ANKRD11: variants seen among roughly 807,000 people sequenced by gnomAD.
ANKRD11 encodes ankyrin repeat domain-containing protein 11.
In ANKRD11, 17 loss-of-function variants were observed where a neutral mutation model predicts 195.7. The observed-to-expected ratio is 0.09, with a 90% CI of 0.06 to 0.13. ANKRD11 has a LOEUF of 0.13. Ranked by LOEUF, ANKRD11 falls within the 10% of genes least tolerant of loss-of-function variation. The pLI is 1.00. For missense variants in ANKRD11, 3,735 were observed against 3,566.1 expected (o/e 1.05, Z -1.21); for synonymous variants, 1,953 against 1,528.1 (o/e 1.28, Z -6.49).
At chr16:89,322,419 C>G (rs2037382600) in intron 2 of ANKRD11, among the ~76,000 whole-genome samples, 1 of 152,242 alleles carries the variant, frequency 6.6e-6, no homozygotes, top group African/African-American at 2.4e-5. Context: ...TGTGTAATGA[C>G]CATTTAAATA....
intron 1 of ANKRD11, among the ~76,000 whole-genome samples, chr16:89,435,209 A>T (rs2043161676): frequency 1.3e-5 from 2 of 152,224 alleles, no homozygotes; most frequent in African/African-American, 2.4e-5. Context: ...CTCTGTGTCT[A>T]GCTAAAGGTT....
chr16:89,449,746 T>C (rs938338735), intron 1 of ANKRD11, among the ~76,000 whole-genome samples: 1 of 152,000 alleles, frequency 6.6e-6, no homozygotes, highest in Non-Finnish European at 1.5e-5. Context: ...TGAGCCGAGA[T>C]TGTGTCACTG....
chr16:89,274,999 G>A (rs763557063), intron 10 of ANKRD11, 42 bp from the exon 11 acceptor site: 89 of 1,612,416 alleles, frequency 5.5e-5, no homozygotes, highest in Non-Finnish European at 7.2e-5. Context: ...ACACAGCCAC[G>A]CTCCAGGCCC....
intron 2 of ANKRD11, among the ~76,000 whole-genome samples, chr16:89,323,574 G>T (rs1404955889): frequency 2.2e-5 from 1 of 45,872 alleles, no homozygotes; most frequent in Non-Finnish European, 5.7e-5. Context: ...AAGGGCACGG[G>T]GGCTAAGCCC....
chr16:89,478,871 G>A (rs2057346275), intron 1 of ANKRD11, among the ~76,000 whole-genome samples: 1 of 152,226 alleles, frequency 6.6e-6, no homozygotes, highest in African/African-American at 2.4e-5. Flanking sequence ...TAATCTGGAG[G>A]TTAAACATGC....
intron 2 of ANKRD11, among the ~76,000 whole-genome samples, chr16:89,327,400 AG>A (rs2151954716): frequency 6.6e-6 from 1 of 152,332 alleles, no homozygotes; most frequent in East Asian, 1.9e-4. Flanking sequence ...AATGGCATAC[AG>A]GGCAGAAAGG....
intron 2 of ANKRD11, among the ~76,000 whole-genome samples, chr16:89,331,771 C>G (rs184712907): frequency 5.9e-5 from 9 of 152,324 alleles, no homozygotes; most frequent in Admixed American, 5.2e-4. Flanking sequence ...CAGGCATGAA[C>G]CACCACACCT....
At chr16:89,400,019 C>T (rs2041629714) in intron 2 of ANKRD11, among the ~76,000 whole-genome samples, 1 of 148,474 alleles carries the variant, frequency 6.7e-6, no homozygotes, top group South Asian at 2.2e-4. Flanking sequence ...CCAGGCTTCC[C>T]TGCGCTGGAG....
chr16:89,471,065 G>T (rs2057068646), intron 1 of ANKRD11, among the ~76,000 whole-genome samples: 1 of 151,868 alleles, frequency 6.6e-6, no homozygotes, highest in Admixed American at 6.6e-5. Flanking sequence ...TTAAAAGCAT[G>T]ACTGAGGCTG....
At chr16:89,377,395 G>C (rs1203333536) in intron 2 of ANKRD11, among the ~76,000 whole-genome samples, 1 of 151,890 alleles carries the variant, frequency 6.6e-6, no homozygotes, top group Non-Finnish European at 1.5e-5. Context: ...AGAAAACTAT[G>C]TCTGGAGGTT....
At chr16:89,479,237 G>A (rs1352966816) in intron 1 of ANKRD11, among the ~76,000 whole-genome samples, 1 of 151,856 alleles carries the variant, frequency 6.6e-6, no homozygotes, top group Non-Finnish European at 1.5e-5. Context: ...ACGGCCAGAC[G>A]CAGTGGCGAG....
chr16:89,473,988 G>T (rs925191956), intron 1 of ANKRD11, among the ~76,000 whole-genome samples: 5 of 152,174 alleles, frequency 3.3e-5, no homozygotes, highest in African/African-American at 1.2e-4. Context: ...TTGCTGTTTT[G>T]AAGTGAGCTG....
chr16:89,295,452 C>T (rs2035352355), intron 4 of ANKRD11, among the ~76,000 whole-genome samples: 1 of 152,250 alleles, frequency 6.6e-6, no homozygotes, highest in African/African-American at 2.4e-5. Flanking sequence ...GCTGGCAGCA[C>T]ACCTCACTAC....
intron 2 of ANKRD11, among the ~76,000 whole-genome samples, chr16:89,321,743 A>C (rs1567642158): frequency 6.6e-6 from 1 of 152,178 alleles, no homozygotes; most frequent in South Asian, 2.1e-4. Flanking sequence ...TTCACCTTCA[A>C]TAAAGGGATG....
intron 2 of ANKRD11, chr16:89,319,954 G>A (rs2037203058): frequency 1.3e-5 from 2 of 152,362 alleles, no homozygotes; most frequent in East Asian, 1.9e-4. Context: ...CCTCCACCAG[G>A]CTCAGGGCTG....
In ANKRD11 at chr16:89,345,208, G is replaced by GA. The variant is rs1294514099; in HGVS notation, c.-59-28131dup. ...GTACAATCTCCAAACTGTAAAGATGGAAAAAAAAAATGGAGCGGCAAAAAA... is the reference window on the plus strand; with the variant it reads ...GTACAATCTCCAAACTGTAAAGATGGAAAAAAAAAAATGGAGCGGCAAAAAA... On this transcript the variant is annotated intron_variant, in intron 2 of 12. Transcript: ENST00000301030. Among the ~76,000 whole-genome samples, 910 of 148,510 alleles carry GA rather than the reference G, an allele frequency of 6.1e-3. 8 individuals carry two copies. Among genetic ancestry groups the GA allele is most frequent in the African/African-American group, 0.021 (847 of 40,398 alleles).
chr16:89,436,543 G>A lies in ANKRD11; in HGVS notation c.-144-18175C>T, dbSNP rs1480251209. Reference sequence around the variant, plus strand: ...GCCTCAAGCGACGTCTGCCTTGGGTGTTGGGACATAGCAAACAGGACGGCT... The same window carrying A: ...GCCTCAAGCGACGTCTGCCTTGGGTATTGGGACATAGCAAACAGGACGGCT... On this transcript the variant is annotated intron_variant, in intron 1 of 12. Coordinates refer to ENST00000301030, the MANE Select transcript of ANKRD11 (RefSeq NM_013275.6). Among the ~76,000 whole-genome samples, 4 of 152,200 alleles carry A rather than the reference G, an allele frequency of 2.6e-5. No individual in the cohort carries two copies. The East Asian group carries it at 7.7e-4, about 29-fold the overall frequency.
intron 2 of ANKRD11, among the ~76,000 whole-genome samples, chr16:89,344,856 T>C (rs1242221430): frequency 6.6e-6 from 1 of 152,180 alleles, no homozygotes; most frequent in Non-Finnish European, 1.5e-5. Context: ...CCTTCCAAGT[T>C]TTCTCTTCAT....
intron 1 of ANKRD11, among the ~76,000 whole-genome samples, chr16:89,480,862 C>T (rs1379188953): frequency 1.3e-5 from 2 of 152,278 alleles, no homozygotes; most frequent in East Asian, 3.9e-4. Context: ...CTGGGCTGTG[C>T]CCCTCAAGAA....
Sources: gnomAD v4.1 joint callset for allele counts (sites outside exome capture counted in the v4.1 genomes callset) on GRCh38, gnomAD v4.1.1 for gene constraint, MANE v1.5 for transcripts, NCBI Gene and HGNC (gene_info 2026-07-23, HGNC 2026-07-21) for gene names.